The following DIAPH2 variants were observed in gnomAD, a reference collection of about 807,000 sequenced individuals.
DIAPH2 encodes protein diaphanous homolog 2.
A neutral mutation model predicts 92.7 loss-of-function variants in DIAPH2; 35 were observed. The ratio of observed to expected loss-of-function variants is 0.38; its 90% confidence interval spans 0.29 to 0.50. The LOEUF (loss-of-function observed/expected upper bound fraction) is 0.50. DIAPH2 is among the 20% of genes least tolerant of loss of function. DIAPH2 has a pLI of 0.94. For missense variants in DIAPH2, 701 were observed against 819.5 expected, an observed-to-expected ratio of 0.86 and a Z score of 1.77; for synonymous variants, 301 against 280.4, an observed-to-expected ratio of 1.07 and a Z score of -0.73.
At chrX:97,004,892 A>G (rs1047790894) in intron 17 of DIAPH2, among the ~76,000 whole-genome samples, 1 of 111,492 alleles carries the variant, frequency 9.0e-6, no homozygotes, top group Non-Finnish European at 1.9e-5. Flanking sequence ...CTTAGAGGAG[A>G]AGCTCTTAGT....
chrX:97,262,855 C>T (rs145748985), intron 23 of DIAPH2, among the ~76,000 whole-genome samples: 1,673 of 111,440 alleles, frequency 0.015, 29 homozygotes, highest in African/African-American at 0.052. Context: ...AGTACTCCAA[C>T]GTTTAAAAGT....
At chrX:96,968,071 T>G (rs953007919) in intron 17 of DIAPH2, among the ~76,000 whole-genome samples, 2 of 110,758 alleles carry the variant, frequency 1.8e-5, no homozygotes, top group South Asian at 7.6e-4. Flanking sequence ...TTGGGTTTTT[T>G]TTTTGGCTTT....
intron 23 of DIAPH2, among the ~76,000 whole-genome samples, chrX:97,303,887 C>T (rs765187660): frequency 6.5e-4 from 72 of 111,114 alleles, no homozygotes; most frequent in African/African-American, 2.3e-3. Context: ...AAAAGGTGGT[C>T]TAGCTATTTG....
intron 5 of DIAPH2, among the ~76,000 whole-genome samples, chrX:96,905,265 G>A (rs910221446): frequency 1.8e-5 from 2 of 111,600 alleles, no homozygotes; most frequent in Middle Eastern, 4.6e-3. Flanking sequence ...TATCTTCATT[G>A]TATATAGCAT....
chrX:96,935,121 G>A (rs903752366), intron 10 of DIAPH2, among the ~76,000 whole-genome samples: 5 of 111,539 alleles, frequency 4.5e-5, no homozygotes, highest in African/African-American at 9.7e-5. Context: ...AGCATAGAGT[G>A]TTTCACATAA....
chrX:97,322,873 T>C (rs371022963), intron 23 of DIAPH2, among the ~76,000 whole-genome samples: 116 of 108,625 alleles, frequency 1.1e-3, no homozygotes, highest in African/African-American at 3.6e-3. Flanking sequence ...TAGAAATATT[T>C]TAACATTTAT....
intron 2 of DIAPH2, among the ~76,000 whole-genome samples, chrX:96,738,002 CAGAG>C (rs949293554): frequency 9.0e-6 from 1 of 111,644 alleles, no homozygotes; most frequent in Admixed American, 9.5e-5. Flanking sequence ...GATGAGGAAA[CAGAG>C]AGAGACCAAG....
intron 26 of DIAPH2, among the ~76,000 whole-genome samples, chrX:97,443,060 GCCT>G (rs1349988378): frequency 1.8e-5 from 2 of 109,532 alleles, no homozygotes; most frequent in African/African-American, 6.6e-5. Context: ...ACAGCACTGT[GCCT>G]GGCTAATTTT....
chrX:97,479,173 T>A (rs1431537120), intron 26 of DIAPH2, among the ~76,000 whole-genome samples: 1 of 111,120 alleles, frequency 9.0e-6, no homozygotes, highest in Non-Finnish European at 1.9e-5. Context: ...ATAGCAAATC[T>A]GTAACTCCTG....
At chrX:97,222,415 G>A (rs2067933282) in intron 22 of DIAPH2, among the ~76,000 whole-genome samples, 1 of 111,812 alleles carries the variant, frequency 8.9e-6, no homozygotes, top group African/African-American at 3.3e-5. Flanking sequence ...TGGTGGCCAG[G>A]CTGGCCTCAA....
intron 23 of DIAPH2, among the ~76,000 whole-genome samples, chrX:97,262,731 A>G (rs1460448580): frequency 8.9e-6 from 1 of 111,847 alleles, no homozygotes; most frequent in African/African-American, 3.2e-5. Flanking sequence ...CATTAAAGAC[A>G]GAAATCTAGG....
At chrX:97,467,104 AAGT>A (rs1569404946) in intron 26 of DIAPH2, among the ~76,000 whole-genome samples, 1 of 112,160 alleles carries the variant, frequency 8.9e-6, no homozygotes, top group African/African-American at 3.2e-5. Context: ...AATTCTATGT[AAGT>A]AGTATAATCT....
intron 26 of DIAPH2, among the ~76,000 whole-genome samples, chrX:97,460,297 A>G (rs763659897): frequency 7.1e-5 from 8 of 112,111 alleles, no homozygotes; most frequent in Non-Finnish European, 1.3e-4. Context: ...GACTGTCTCA[A>G]TAATAAATAC....
chrX:97,187,724 G>A (rs1168385387), intron 22 of DIAPH2, among the ~76,000 whole-genome samples: 1 of 111,235 alleles, frequency 9.0e-6, no homozygotes, highest in African/African-American at 3.3e-5. Context: ...ATATAAGTAA[G>A]GAGTTTTTGG....
rs187433628 is a variant in DIAPH2, at chrX:97,192,567, A to G, written c.2719+50773A>G. Among the ~76,000 whole-genome samples, 109 of 111,674 alleles carry G rather than the reference A, an allele frequency of 9.8e-4. 2 individuals are homozygous for G. Among genetic ancestry groups the G allele is most frequent in the Middle Eastern group, 4.6e-3 (1 of 217 alleles). Reference sequence around the variant, plus strand: ...TGAAGTTTTCATCAGCCTGTAAATGATAATTTAAAACACACAGAAATTTAA... The same window carrying G: ...TGAAGTTTTCATCAGCCTGTAAATGGTAATTTAAAACACACAGAAATTTAA... On this transcript the variant is annotated intron_variant, in intron 22 of 26. Coordinates refer to ENST00000324765, the MANE Select transcript of DIAPH2 (RefSeq NM_006729.5).
intron 22 of DIAPH2, among the ~76,000 whole-genome samples, chrX:97,221,365 TAAATATA>T (rs776798995): frequency 3.6e-5 from 4 of 112,029 alleles, no homozygotes; most frequent in East Asian, 5.5e-4. Flanking sequence ...ACAATTTTTT[TAAATATA>T]AAATATAAAA....
intron 26 of DIAPH2, among the ~76,000 whole-genome samples, chrX:97,588,565 C>T (rs2071493641): frequency 9.1e-6 from 1 of 110,123 alleles, no homozygotes; most frequent in Non-Finnish European, 1.9e-5. Flanking sequence ...GATTTTTACC[C>T]ATCTGTTTGG....
At chrX:97,168,543 C>T (rs2067428750) in intron 22 of DIAPH2, among the ~76,000 whole-genome samples, 1 of 110,717 alleles carries the variant, frequency 9.0e-6, no homozygotes, top group Non-Finnish European at 1.9e-5. Flanking sequence ...AGACACAGTT[C>T]TAGGTAGTGT....
chrX:97,279,363 C>T (rs1336151670), intron 23 of DIAPH2, among the ~76,000 whole-genome samples: 7 of 102,593 alleles, frequency 6.8e-5, no homozygotes, highest in African/African-American at 1.5e-4. Context: ...AGTGCAGTGG[C>T]GCAATCTCGG....
Sources: allele counts gnomAD v4.1 joint callset (sites outside exome capture counted in the v4.1 genomes callset), GRCh38; gene constraint gnomAD v4.1.1; transcripts MANE v1.5; gene names NCBI Gene and HGNC (gene_info 2026-07-23, HGNC 2026-07-21).